SHANK2: variants seen among roughly 807,000 people sequenced by gnomAD.
SHANK2 encodes SH3 and multiple ankyrin repeat domains protein 2.
A neutral mutation model predicts 133.7 loss-of-function variants in SHANK2; 43 were observed. The ratio of observed to expected loss-of-function variants is 0.32; its 90% CI spans 0.25 to 0.41. The LOEUF (loss-of-function observed/expected upper bound fraction) is 0.41, where lower values mean the gene tolerates loss of function less well. Ranked by LOEUF, SHANK2 falls within the 10% of genes least tolerant of loss-of-function variation. SHANK2 has a pLI of 1.00. For missense variants in SHANK2, 1,994 were observed against 2,235.8 expected (o/e 0.89, Z 2.18); for synonymous variants, 1,017 against 952.8 (o/e 1.07, Z -1.24).
Position 70,930,052 on chromosome 11 carries a change from CA to C in SHANK2, c.1108-33486del, listed in dbSNP as rs1715830329. On this transcript the variant is annotated intron_variant, in intron 10 of 25. Coordinates refer to ENST00000601538, the MANE Select transcript of SHANK2 (RefSeq NM_012309.5). ...TGCCCTCCTAGCACAGCAGCAAACA[CA>C]GGTAACATTTCAATGAACAGACATG... Among the ~76,000 whole-genome samples, 3 of 152,184 alleles carry C rather than the reference CA, an allele frequency of 2.0e-5. No homozygotes were observed. The South Asian group carries it at 6.2e-4, about 32-fold the overall frequency.
At chr11:70,931,591 G>C (rs1487799658) in intron 10 of SHANK2, among the ~76,000 whole-genome samples, 1 of 152,228 alleles carries the variant, frequency 6.6e-6, no homozygotes, top group South Asian at 2.1e-4. Context: ...TGGCGGCACT[G>C]TCCACCGGTC....
intron 3 of SHANK2, among the ~76,000 whole-genome samples, chr11:71,120,398 C>T (rs564745338): frequency 1.0e-3 from 152 of 152,342 alleles, no homozygotes; most frequent in African/African-American, 3.6e-3. Flanking sequence ...AATTCTCTAT[C>T]TGAGGATTCT....
rs558896716 is a variant in SHANK2 at position 70,639,031 on chromosome 11, A to G, written c.2061+20797T>C. On this transcript the variant is annotated intron_variant, in intron 17 of 25. Coordinates refer to ENST00000601538, the MANE Select transcript of SHANK2 (RefSeq NM_012309.5). Reference sequence around the variant, plus strand: ...AAAAAAACAAAAAAAAAACAAAAAAAACATTGAGAGTCCATGGCTCACACT... The same window carrying G: ...AAAAAAACAAAAAAAAAACAAAAAAGACATTGAGAGTCCATGGCTCACACT... Among the ~76,000 whole-genome samples, 19 of 151,800 alleles carry G rather than the reference A, an allele frequency of 1.3e-4. No individual in the cohort carries two copies. The South Asian group carries it at 4.0e-3, about 32-fold the overall frequency.
chr11:70,845,775 C>T (rs1393964539), intron 11 of SHANK2, among the ~76,000 whole-genome samples: 1 of 152,138 alleles, frequency 6.6e-6, no homozygotes, highest in African/African-American at 2.4e-5. Context: ...ATAAGCAGCA[C>T]AGAACAAAGC....
Position 70,487,111 on chromosome 11 carries a change from T to C in SHANK2, c.3182A>G (p.Glu1061Gly). Residue 1061 changes from glutamate to glycine, a missense_variant, in exon 25 of 26, where the codon GAG becomes GGG. By Grantham distance (98) the Glu-to-Gly change is moderately conservative. Transcript: ENST00000601538. This position sits in a 1 kb window ranked among gnomAD's most constrained non-coding sequence, Gnocchi z 5.8. ...GTCAGGCCGCAGCTGGCTCGGTGGC[T>C]CCGGGGCCTGGGGGTCGATCTCCAT... ...SSMEIDPQAP[E>G]PPSQLRPDES... 6.2e-7 allele frequency: 1 copy of C among 1,611,226 alleles called. No homozygotes were observed.
chr11:70,677,730 C>T (rs185594100), intron 15 of SHANK2, among the ~76,000 whole-genome samples: 105 of 152,284 alleles, frequency 6.9e-4, no homozygotes, highest in Admixed American at 1.2e-3. Flanking sequence ...TTGAGGGCTC[C>T]GGAAGCCAGG....
chr11:70,507,882 C>T (rs367916688), intron 17 of SHANK2, among the ~76,000 whole-genome samples: 28 of 152,250 alleles, frequency 1.8e-4, no homozygotes, highest in African/African-American at 6.0e-4. Flanking sequence ...CCGACTTCCC[C>T]AAAGCAGCTG....
At chr11:70,765,390 A>G (rs1181013322) in intron 14 of SHANK2, among the ~76,000 whole-genome samples, 1 of 152,168 alleles carries the variant, frequency 6.6e-6, no homozygotes, top group Non-Finnish European at 1.5e-5. Flanking sequence ...TGTGACTACT[A>G]AAACAGCAGA....
At chr11:71,069,308 AT>A (rs1951111104) in intron 9 of SHANK2, among the ~76,000 whole-genome samples, 15 of 151,970 alleles carry the variant, frequency 9.9e-5, no homozygotes, top group African/African-American at 3.6e-4. Flanking sequence ...CTTCACCATC[AT>A]CACTATCAAC....
At chr11:70,630,216 C>T (rs1289859813) in intron 17 of SHANK2, among the ~76,000 whole-genome samples, 1 of 152,230 alleles carries the variant, frequency 6.6e-6, no homozygotes, top group Admixed American at 6.5e-5. Flanking sequence ...TGGGCTGGCA[C>T]TGACCTTGCA....
rs1220089783 is a variant in SHANK2 at position 70,473,653 on chromosome 11, G to A, written c.4980-214C>T. On this transcript the variant is annotated intron_variant, in intron 25 of 25. Coordinates refer to ENST00000601538, the MANE Select transcript of SHANK2 (RefSeq NM_012309.5). This position sits in a 1 kb window ranked among gnomAD's most constrained non-coding sequence, Gnocchi z 5.9. ...AGTTGGAGACACCAGAGCACACCAC[G>A]TCAGCCCACTCACCTGAACTGGGAC... 4.7e-6 allele frequency: 3 copies of A among 645,082 alleles called. No homozygotes were observed. Among genetic ancestry groups the A allele is most frequent in the Non-Finnish European group, 5.7e-6 (2 of 353,748 alleles). 40.0% of individuals were successfully genotyped at this position (645,082 alleles called of 1,614,324 possible).
At chr11:70,789,288 A>G (rs1555047411) in intron 14 of SHANK2, among the ~76,000 whole-genome samples, 1 of 152,216 alleles carries the variant, frequency 6.6e-6, no homozygotes, top group African/African-American at 2.4e-5. Flanking sequence ...GAGTGCCACA[A>G]AAAAGTAGAA....
At chr11:70,943,845 A>C in intron 10 of SHANK2, 1 of 445,930 alleles carries the variant, frequency 2.2e-6, no homozygotes, top group South Asian at 1.6e-5. Context: ...GGCCAACCAC[A>C]TCCCACGCCA....
chr11:71,165,226 G>C (rs1482440560), intron 2 of SHANK2, among the ~76,000 whole-genome samples: 8 of 151,738 alleles, frequency 5.3e-5, no homozygotes, highest in African/African-American at 1.9e-4. Context: ...AGAGACGGGG[G>C]TCTCACCATG....
At chr11:71,176,884 G>A (rs1953458133) in intron 2 of SHANK2, among the ~76,000 whole-genome samples, 1 of 151,964 alleles carries the variant, frequency 6.6e-6, no homozygotes, top group African/African-American at 2.4e-5. Context: ...CTAAGCACAA[G>A]AATCATAAAG....
At chr11:71,236,499 C>A (rs1954827546) in intron 1 of SHANK2, among the ~76,000 whole-genome samples, 1 of 152,192 alleles carries the variant, frequency 6.6e-6, no homozygotes, top group Non-Finnish European at 1.5e-5. Context: ...ATAGTCCCTG[C>A]TGCTCCAGAG....
Position 71,175,450 on chromosome 11 carries a change from A to G in SHANK2, c.-12-28112T>C, listed in dbSNP as rs1203559552. Among the ~76,000 whole-genome samples, 1 of 151,758 alleles carries G rather than the reference A, an allele frequency of 6.6e-6. No homozygotes were observed. The highest frequency in any genetic ancestry group is 2.4e-5 in the African/African-American group (1 of 41,320). Reference sequence around the variant, plus strand: ...GGAGGAAGGAAAGAAAAAGAGGGAGAGGAGGGGGAGAAATAGACCAAGGCT... The same window carrying G: ...GGAGGAAGGAAAGAAAAAGAGGGAGGGGAGGGGGAGAAATAGACCAAGGCT... On this transcript the variant is annotated intron_variant, in intron 2 of 25. Transcript: ENST00000601538. This position sits in a 1 kb window ranked among gnomAD's most constrained non-coding sequence, Gnocchi z 4.2.
chr11:70,565,307 C>T (rs781929060), intron 17 of SHANK2, among the ~76,000 whole-genome samples: 10 of 152,152 alleles, frequency 6.6e-5, no homozygotes, highest in Non-Finnish European at 4.4e-5. Flanking sequence ...TGCAGTGGTG[C>T]GATCTCGGCT....
rs553120901 is a variant in SHANK2 at position 70,818,115 on chromosome 11, A to C, written c.1493+2249T>G. On this transcript the variant is annotated intron_variant, in intron 12 of 25. Coordinates refer to ENST00000601538, the MANE Select transcript of SHANK2 (RefSeq NM_012309.5). The stretch of plus-strand genomic sequence containing the variant: ...ATGCAGCTATACAATGGTACAGTAC[A>C]GAAGCGTGTATGCAGGAGGCCAGGC... 2.6e-5 allele frequency among the ~76,000 whole-genome samples: 4 copies of C among 152,318 alleles called. No individual in the cohort carries two copies. The South Asian group carries it at 8.3e-4, about 32-fold the overall frequency.
Sources: gnomAD v4.1 joint callset for allele counts (sites outside exome capture counted in the v4.1 genomes callset) on GRCh38, gnomAD v4.1.1 for gene constraint, Gnocchi (gnomAD v3.1) non-coding constraint, MANE v1.5 for transcripts, NCBI Gene and HGNC (gene_info 2026-07-23, HGNC 2026-07-21) for gene names.